Variants in SIPA1L3 observed in about 807,000 individuals in gnomAD.
The protein encoded by SIPA1L3 is signal induced proliferation associated 1 like 3.
In SIPA1L3, 59 loss-of-function variants were observed where a neutral mutation model predicts 150.1. That is an observed-to-expected ratio of 0.39 (90% CI 0.32 to 0.49). SIPA1L3 has a LOEUF of 0.49. Among genes scored for constraint, SIPA1L3 ranks in the 20% least tolerant of loss-of-function variants. The pLI is 0.86. For synonymous variants in SIPA1L3, 1,070 were observed against 1,077.6 expected, an observed-to-expected ratio of 0.99 and a Z score of 0.14; for missense variants, 2,211 against 2,489.5, an observed-to-expected ratio of 0.89 and a Z score of 2.38.
At chr19:37,916,717 T>C (rs1250494203) in intron 1 of SIPA1L3, among the ~76,000 whole-genome samples, 1 of 152,004 alleles carries the variant, frequency 6.6e-6, no homozygotes, top group African/African-American at 2.4e-5. Flanking sequence ...CCCAGCACTT[T>C]GGGAGGCTGA....
At chr19:37,954,688 A>T (rs353406) in intron 1 of SIPA1L3, among the ~76,000 whole-genome samples, 125,261 of 152,134 alleles carry the variant, frequency 0.82, 52,158 homozygotes, top group African/African-American at 0.94. Flanking sequence ...AGGCGGTTTC[A>T]TATGGAGTGG....
intron 15 of SIPA1L3, among the ~76,000 whole-genome samples, chr19:38,169,190 A>C (rs1299810530): frequency 6.6e-6 from 1 of 152,112 alleles, no homozygotes; most frequent in Non-Finnish European, 1.5e-5. Context: ...GGAGTTCGAG[A>C]CCAGCCTGAC....
At chr19:38,101,687 A>C (rs1452732946) in intron 6 of SIPA1L3, among the ~76,000 whole-genome samples, 1 of 152,200 alleles carries the variant, frequency 6.6e-6, no homozygotes, top group Non-Finnish European at 1.5e-5. Flanking sequence ...TTGGGATTAC[A>C]GGCATGAGCC....
At chr19:38,032,464 G>A (rs1175485163) in intron 2 of SIPA1L3, among the ~76,000 whole-genome samples, 1 of 152,168 alleles carries the variant, frequency 6.6e-6, no homozygotes, top group Non-Finnish European at 1.5e-5. Context: ...CTAGGCACTA[G>A]GGATTCAGGA....
intron 1 of SIPA1L3, among the ~76,000 whole-genome samples, chr19:37,994,856 C>T (rs912169419): frequency 2.0e-5 from 3 of 152,188 alleles, no homozygotes; most frequent in Non-Finnish European, 1.5e-5. Flanking sequence ...GCAGTAGAGA[C>T]GCCCCATTGC....
chr19:38,162,748 G>C (rs779258909), intron 14 of SIPA1L3, among the ~76,000 whole-genome samples: 2 of 152,236 alleles, frequency 1.3e-5, no homozygotes, highest in African/African-American at 2.4e-5. Flanking sequence ...TGGTGATTCA[G>C]AGCCCAGGCT....
At chr19:38,059,102 G>A (rs910042619) in intron 2 of SIPA1L3, among the ~76,000 whole-genome samples, 1 of 149,966 alleles carries the variant, frequency 6.7e-6, no homozygotes, top group Non-Finnish European at 1.5e-5. Flanking sequence ...CATAGCTCAA[G>A]TGATCCTCCC....
chr19:38,057,342 ATATATATACG>A (rs957562289), intron 2 of SIPA1L3, among the ~76,000 whole-genome samples: 38 of 151,068 alleles, frequency 2.5e-4, no homozygotes, highest in African/African-American at 9.2e-4. Context: ...ACACACACGT[ATATATATACG>A]TATATATATG....
rs368964782 is a variant in SIPA1L3 at position 37,975,363 on chromosome 19, A to G, written c.-378-53726A>G. 5.3e-5 allele frequency among the ~76,000 whole-genome samples: 8 copies of G among 152,204 alleles called. No homozygotes were observed. The East Asian group carries it at 1.2e-3, about 22-fold the overall frequency. On this transcript the variant is annotated intron_variant, in intron 1 of 21. Coordinates refer to ENST00000222345, the MANE Select transcript of SIPA1L3 (RefSeq NM_015073.3). ...TAGAGCTGAATGGTGGCAGAGAGGG[A>G]ACAGAGCACTTCCAGGGGGAACTGG...
rs372019990 is a variant in SIPA1L3 at position 38,164,550 on chromosome 19, C to G, written c.3852C>G (p.Asp1284Glu). ...GCAACGCATCCAGCAGCCACAGCGA[C>G]GACCGCTGGTTCGACCCCCTGGACC... The part of the protein sequence containing the change: ...LSSNASSSHS[D>E]DRWFDPLDPL... The change falls in exon 15 of 22, where the codon GAC becomes GAG. Residue 1284 changes from aspartate (D) to glutamate (E), a missense_variant. By Grantham distance (45) the Asp-to-Glu change is conservative. Around this residue, in one of 5 missense-constraint regions of SIPA1L3, gnomAD observed 806 missense variants for 870.1 expected, o/e 0.93. Transcript: ENST00000222345. The surrounding 1 kb of genome is among the most constrained non-coding windows in gnomAD (Gnocchi z 4.1). 1.2e-6 allele frequency: 2 copies of G among 1,614,108 alleles called. No individual in the cohort carries two copies. The highest frequency in any genetic ancestry group is 3.3e-5 in the Admixed American group (2 of 60,010).
chr19:38,018,190 G>GTTTT (rs1968283847), intron 1 of SIPA1L3, among the ~76,000 whole-genome samples: 1 of 112,588 alleles, frequency 8.9e-6, no homozygotes, highest in African/African-American at 3.8e-5. Context: ...TTTAGGCAGA[G>GTTTT]TCTTGCTCTG....
chr19:38,020,808 GTT>G (rs112894506), intron 1 of SIPA1L3, among the ~76,000 whole-genome samples: 1 of 147,860 alleles, frequency 6.8e-6, no homozygotes, highest in Admixed American at 6.8e-5. Flanking sequence ...AGTTTTTTTT[GTT>G]TTTTTTTTGT....
chr19:38,164,396 GC>G lies in SIPA1L3; in HGVS notation c.3781-80del. ...GAAGCTGTCTGGTCCCAGGGTTCAGGCCCAGGCAGAGGGAGGACCCGGCAAG... is the reference window on the plus strand; with the variant it reads ...GAAGCTGTCTGGTCCCAGGGTTCAGGCCAGGCAGAGGGAGGACCCGGCAAG... On this transcript the variant is annotated intron_variant, in intron 14 of 21. Transcript: ENST00000222345. This position sits in a 1 kb window ranked among gnomAD's most constrained non-coding sequence, Gnocchi z 4.1. The G allele has an allele frequency of 7.4e-7, 1 of 1,351,200 alleles. No individual in the cohort carries two copies. Among genetic ancestry groups the G allele is most frequent in the Non-Finnish European group, 1.0e-6 (1 of 969,980 alleles). 83.7% of individuals were successfully genotyped at this position (1,351,200 alleles called of 1,614,324 possible).
chr19:38,153,146 C>T (rs562027660), intron 13 of SIPA1L3, among the ~76,000 whole-genome samples, 179 bp downstream of exon 13: 1 of 152,320 alleles, frequency 6.6e-6, no homozygotes, highest in African/African-American at 2.4e-5. Flanking sequence ...AACCAGCAAG[C>T]GAGATCCTTA....
At chr19:38,150,529 CTTTT>C (rs201046693) in intron 12 of SIPA1L3, among the ~76,000 whole-genome samples, 1 of 119,834 alleles carries the variant, frequency 8.3e-6, no homozygotes. Context: ...AATATCAACA[CTTTT>C]TTTTTTTTTT....
intron 1 of SIPA1L3, among the ~76,000 whole-genome samples, chr19:38,004,082 G>T (rs1462443568): frequency 6.6e-6 from 1 of 152,158 alleles, no homozygotes; most frequent in Non-Finnish European, 1.5e-5. Flanking sequence ...CAGTGCTTTC[G>T]AATAGTAATT....
chr19:38,154,950 A>G (rs1971911069), intron 13 of SIPA1L3, among the ~76,000 whole-genome samples: 1 of 152,040 alleles, frequency 6.6e-6, no homozygotes, highest in South Asian at 2.1e-4. Context: ...TAATAGAGAC[A>G]GGGTTTCAAC....
intron 4 of SIPA1L3, among the ~76,000 whole-genome samples, chr19:38,099,657 T>C (rs1452061235): frequency 6.6e-6 from 1 of 152,086 alleles, no homozygotes; most frequent in Non-Finnish European, 1.5e-5. Flanking sequence ...GTTGAACAAA[T>C]GAAGGTAGTT....
intron 10 of SIPA1L3, 101 bp from the exon 11 acceptor site, chr19:38,141,079 AAAAG>A (rs1168978843): frequency 9.5e-6 from 10 of 1,047,600 alleles, no homozygotes; most frequent in South Asian, 3.7e-5. Context: ...AAAAAAAAAA[AAAAG>A]CCATCCCGGT....
Sources: gnomAD v4.1 joint callset for allele counts (sites outside exome capture counted in the v4.1 genomes callset) on GRCh38, gnomAD v4.1.1 for gene constraint, gnomAD v4.1.1 regional missense constraint, Gnocchi (gnomAD v3.1) non-coding constraint, MANE v1.5 for transcripts, NCBI Gene and HGNC (gene_info 2026-07-23, HGNC 2026-07-21) for gene names.